Variants in GNB4 observed in about 807,000 individuals in gnomAD.
The protein encoded by GNB4 is guanine nucleotide-binding protein subunit beta-4.
Under a neutral mutation model 45.2 loss-of-function variants are expected in GNB4, and 28 were observed. That is an observed-to-expected ratio of 0.62 (90% confidence interval 0.46 to 0.85). The LOEUF (loss-of-function observed/expected upper bound fraction) is 0.85. Ranked by LOEUF, GNB4 falls within the 40% of genes least tolerant of loss-of-function variation. The pLI is 0.00. For synonymous variants in GNB4, 132 were observed against 143.7 expected (o/e 0.92, Z 0.58); for missense variants, 321 against 425.4 (o/e 0.75, Z 2.16).
upstream of GNB4, among the ~76,000 whole-genome samples, chr3:179,456,172 C>T (rs1353687989): frequency 6.7e-6 from 1 of 148,562 alleles, no homozygotes; most frequent in Non-Finnish European, 1.5e-5. Context: ...AGCGCAGTGG[C>T]GCAATCTCAG....
chr3:179,405,388 C>T lies in GNB4; in HGVS notation c.718G>A (p.Ala240Thr). ...GCATCATCAGAGCCAGTGGCGAAGGCATATCCATTTGGGAAAAACTAGACA... is the reference window on the plus strand; with the variant it reads ...GCATCATCAGAGCCAGTGGCGAAGGTATATCCATTTGGGAAAAACTAGACA... ...NAVSFFPNGY[A>T]FATGSDDATC... Residue 240 changes from alanine (A) to threonine (T), a missense_variant, in exon 9 of 10, where the codon GCC (alanine) becomes ACC (threonine). By Grantham distance (58) the Ala-to-Thr change is moderately conservative. Transcript: ENST00000232564. 1 of 1,611,148 alleles carries T rather than the reference C, an allele frequency of 6.2e-7. No individual in the cohort carries two copies. The highest frequency in any genetic ancestry group is 1.1e-5 in the South Asian group (1 of 90,796).
the GNB4 span, among the ~76,000 whole-genome samples, chr3:179,458,930 C>T: frequency 1.3e-5 from 2 of 152,114 alleles, no homozygotes. Flanking sequence ...AACAAATTTC[C>T]TACTTTAGTA....
At chr3:179,499,210 T>C in the GNB4 span, among the ~76,000 whole-genome samples, 2 of 142,674 alleles carry the variant, frequency 1.4e-5, no homozygotes, top group Admixed American at 1.5e-4. Flanking sequence ...CAGGCTAGAG[T>C]GCAGTGGCGC....
intron 1 of GNB4, among the ~76,000 whole-genome samples, chr3:179,449,137 T>C (rs1212702881): frequency 2.0e-5 from 3 of 152,198 alleles, no homozygotes; most frequent in Non-Finnish European, 2.9e-5. Flanking sequence ...GGTTCTCATA[T>C]CCCAAAATTG....
At chr3:179,476,505 T>TC in the GNB4 span, among the ~76,000 whole-genome samples, 12 of 152,134 alleles carry the variant, frequency 7.9e-5, no homozygotes, top group African/African-American at 2.9e-4. Flanking sequence ...GTGGCTCCAC[T>TC]CCCATGGATC....
At chr3:179,406,622 G>A (rs1212750682) in intron 8 of GNB4, among the ~76,000 whole-genome samples, 3 of 151,090 alleles carry the variant, frequency 2.0e-5, no homozygotes, top group South Asian at 2.1e-4. Context: ...ACTTTTTTTT[G>A]TTATTTTTGA....
Position 179,410,124 on chromosome 3 carries a change from G to C in GNB4, c.699+3288C>G, listed in dbSNP as rs370852972. On this transcript the variant is annotated intron_variant, in intron 8 of 9. Coordinates refer to ENST00000232564, the MANE Select transcript of GNB4 (RefSeq NM_021629.4). ...TCCACCATGATTGTAAGTTTCCTGA[G>C]GCCTCCCCAGCCATGCAGAACTGTG... Among the ~76,000 whole-genome samples the C allele has an allele frequency of 3.6e-4, 55 of 152,274 alleles. No homozygotes were observed. In the East Asian group the frequency reaches 9.1e-3, roughly 25 times the overall value.
the GNB4 span, among the ~76,000 whole-genome samples, chr3:179,495,654 G>A: frequency 1.0e-4 from 15 of 150,158 alleles, no homozygotes; most frequent in Non-Finnish European, 1.8e-4. Context: ...AGGGAGGGAA[G>A]GAAGGAAGGA....
chr3:179,444,374 G>C (rs901281466), intron 1 of GNB4, among the ~76,000 whole-genome samples: 1 of 148,356 alleles, frequency 6.7e-6, no homozygotes, highest in Non-Finnish European at 1.5e-5. Context: ...TAATTACTAA[G>C]TTTTTTGTTT....
chr3:179,501,457 C>A, the GNB4 span, among the ~76,000 whole-genome samples: 1 of 151,054 alleles, frequency 6.6e-6, no homozygotes, highest in Non-Finnish European at 1.5e-5. Context: ...TGCCACCACA[C>A]CTGGCTAATT....
the GNB4 span, among the ~76,000 whole-genome samples, chr3:179,481,093 C>T: frequency 1.6e-4 from 24 of 152,122 alleles, no homozygotes; most frequent in Admixed American, 4.6e-4. Context: ...CCTCGTGATC[C>T]GCCCGCCTCG....
the GNB4 span, among the ~76,000 whole-genome samples, chr3:179,466,047 G>A: frequency 1.7e-5 from 2 of 118,160 alleles, no homozygotes; most frequent in Non-Finnish European, 3.3e-5. Context: ...GTCTCGCTCT[G>A]TTGCCCAGGC....
At chr3:179,494,556 GAGAA>G in the GNB4 span, among the ~76,000 whole-genome samples, 5 of 150,054 alleles carry the variant, frequency 3.3e-5, no homozygotes, top group African/African-American at 1.2e-4. Context: ...AAGAGAGAGA[GAGAA>G]AGGAAGGAAG....
In GNB4 at chr3:179,427,848, T is replaced by C. The variant is rs148790843; in HGVS notation, c.-42-1606A>G. Among the ~76,000 whole-genome samples the C allele has an allele frequency of 6.6e-5, 10 of 152,296 alleles. No homozygotes were observed. In the East Asian group the frequency reaches 1.9e-3, roughly 29 times the overall value. On this transcript the variant is annotated intron_variant, in intron 1 of 9. Transcript: ENST00000232564. ...GGCTAGAAACTGGGAGTATTCTTTCTCTACCTGTCCTGGTCTCTTTTCTCT... is the reference window on the plus strand; with the variant it reads ...GGCTAGAAACTGGGAGTATTCTTTCCCTACCTGTCCTGGTCTCTTTTCTCT...
chr3:179,440,880 TAGAGAG>T (rs141411562), intron 1 of GNB4, among the ~76,000 whole-genome samples: 100 of 149,124 alleles, frequency 6.7e-4, no homozygotes, highest in Admixed American at 1.1e-3. Context: ...TATAGATAGA[TAGAGAG>T]AGAGAGAGAG....
the GNB4 span, among the ~76,000 whole-genome samples, chr3:179,512,863 A>G: frequency 6.6e-6 from 1 of 152,138 alleles, no homozygotes; most frequent in Admixed American, 6.6e-5. Flanking sequence ...GTATCTATAA[A>G]AGCCTGAAAG....
the GNB4 span, among the ~76,000 whole-genome samples, chr3:179,515,812 C>T: frequency 1.3e-5 from 2 of 151,912 alleles, no homozygotes; most frequent in Non-Finnish European, 2.9e-5. Context: ...AGGGCTGCTT[C>T]GAGAGGGATT....
chr3:179,451,601 C>T (rs1715879789), upstream of GNB4: 2 of 150,730 alleles, frequency 1.3e-5, no homozygotes, highest in South Asian at 2.1e-4. Context: ...ACGCGCAGAC[C>T]CTCGGAGCGC....
At chr3:179,486,517 T>C in the GNB4 span, among the ~76,000 whole-genome samples, 1 of 152,152 alleles carries the variant, frequency 6.6e-6, no homozygotes, top group Non-Finnish European at 1.5e-5. Context: ...AATAAGAATA[T>C]GCAAATACAA....
Sources: allele counts gnomAD v4.1 joint callset (sites outside exome capture counted in the v4.1 genomes callset), GRCh38; gene constraint gnomAD v4.1.1; transcripts MANE v1.5; gene names NCBI Gene and HGNC (gene_info 2026-07-23, HGNC 2026-07-21).